Variants in CNTNAP2 observed in about 807,000 individuals in gnomAD.
CNTNAP2 encodes contactin associated protein 2.
A neutral mutation model predicts 155.2 loss-of-function variants in CNTNAP2; 98 were observed. The ratio of observed to expected loss-of-function variants is 0.63; its 90% CI spans 0.54 to 0.75. CNTNAP2 has a LOEUF of 0.75. Ranked by LOEUF, CNTNAP2 falls within the 30% of genes least tolerant of loss-of-function variation. CNTNAP2 has a pLI of 0.00. For missense variants in CNTNAP2, 1,727 were observed against 1,688.1 expected (o/e 1.02, Z -0.40); for synonymous variants, 651 against 631.2 (o/e 1.03, Z -0.47).
At chr7:147,029,422 T>G (rs1387084278) in intron 3 of CNTNAP2, among the ~76,000 whole-genome samples, 1 of 152,132 alleles carries the variant, frequency 6.6e-6, no homozygotes, top group African/African-American at 2.4e-5. Flanking sequence ...ACGAACAAAT[T>G]GCTAAAGTTT....
intron 8 of CNTNAP2, among the ~76,000 whole-genome samples, chr7:147,226,401 A>G (rs1803543803): frequency 6.6e-6 from 1 of 152,134 alleles, no homozygotes; most frequent in Non-Finnish European, 1.5e-5. Flanking sequence ...TCTAAAAACA[A>G]TCATTTATAT....
intron 8 of CNTNAP2, among the ~76,000 whole-genome samples, chr7:147,280,396 A>ATC (rs1346332419): frequency 6.6e-6 from 1 of 151,890 alleles, no homozygotes; most frequent in African/African-American, 2.4e-5. Context: ...GGACGAAAAA[A>ATC]TCTCTCGTAG....
intron 18 of CNTNAP2, among the ~76,000 whole-genome samples, chr7:148,187,947 C>A (rs1465834431): frequency 6.6e-6 from 1 of 152,040 alleles, no homozygotes; most frequent in Non-Finnish European, 1.5e-5. Context: ...CACCCCCTAC[C>A]CATCACAGAC....
chr7:147,324,405 C>T (rs2692140), intron 9 of CNTNAP2, among the ~76,000 whole-genome samples: 79,960 of 151,958 alleles, frequency 0.53, 21,839 homozygotes, highest in East Asian at 0.73. Context: ...TTTGCAATCA[C>T]GTTATTAAAG....
intron 15 of CNTNAP2, among the ~76,000 whole-genome samples, chr7:147,980,984 A>G (rs1327109766): frequency 2.0e-5 from 3 of 151,332 alleles, no homozygotes; most frequent in African/African-American, 7.3e-5. Flanking sequence ...CACAGTAGTG[A>G]TAGAGTGTTC....
intron 4 of CNTNAP2, among the ~76,000 whole-genome samples, chr7:147,060,042 A>G (rs1263543702): frequency 2.0e-5 from 3 of 152,212 alleles, no homozygotes; most frequent in Non-Finnish European, 4.4e-5. Flanking sequence ...ATTAGGAACT[A>G]TCTTCATTTT....
At chr7:147,496,284 G>A (rs1798706839) in intron 11 of CNTNAP2, among the ~76,000 whole-genome samples, 1 of 152,176 alleles carries the variant, frequency 6.6e-6, no homozygotes. Flanking sequence ...TGCCAAAAAG[G>A]TTGGAGAATG....
At chr7:146,822,145 A>AG (rs1803298133) in intron 2 of CNTNAP2, among the ~76,000 whole-genome samples, 2 of 152,186 alleles carry the variant, frequency 1.3e-5, no homozygotes, top group South Asian at 2.1e-4. Flanking sequence ...TGCAGCCATA[A>AG]AAATGATGAG....
chr7:147,994,369 C>CAA (rs71527864), intron 15 of CNTNAP2, among the ~76,000 whole-genome samples: 4,971 of 132,264 alleles, frequency 0.038, 129 homozygotes, highest in South Asian at 0.14. Flanking sequence ...AGACCTGTCT[C>CAA]AAAAAAAAAA....
At chr7:146,699,787 G>A (rs1800844173) in intron 1 of CNTNAP2, among the ~76,000 whole-genome samples, 1 of 152,018 alleles carries the variant, frequency 6.6e-6, no homozygotes, top group Admixed American at 6.6e-5. Flanking sequence ...GGCCAACACA[G>A]CGAAACCCCG....
At chr7:146,920,844 C>T (rs1216334089) in intron 3 of CNTNAP2, among the ~76,000 whole-genome samples, 6 of 151,960 alleles carry the variant, frequency 3.9e-5, no homozygotes, top group Admixed American at 6.6e-5. Flanking sequence ...TCTAATTTTG[C>T]ATAAAAGTGA....
chr7:148,230,700 G>C (rs765261025), intron 20 of CNTNAP2, among the ~76,000 whole-genome samples: 2 of 152,204 alleles, frequency 1.3e-5, no homozygotes, highest in African/African-American at 4.8e-5. Flanking sequence ...TGGAGTTTGC[G>C]CGTGGCCTTT....
chr7:148,260,453 G>A (rs1056206237), intron 20 of CNTNAP2, among the ~76,000 whole-genome samples: 1 of 152,182 alleles, frequency 6.6e-6, no homozygotes, highest in African/African-American at 2.4e-5. Context: ...TGCTCAATAT[G>A]TGCTTCCTCC....
At chr7:147,464,947 T>C (rs1269865105) in intron 10 of CNTNAP2, among the ~76,000 whole-genome samples, 1 of 152,248 alleles carries the variant, frequency 6.6e-6, no homozygotes, top group Non-Finnish European at 1.5e-5. Flanking sequence ...TTTGATGTGA[T>C]ACATATACAC....
intron 3 of CNTNAP2, among the ~76,000 whole-genome samples, chr7:147,017,553 C>T (rs1798746364): frequency 6.6e-6 from 1 of 151,954 alleles, no homozygotes; most frequent in Non-Finnish European, 1.5e-5. Context: ...AAATTTTTAA[C>T]ATTCTTAACT....
intron 1 of CNTNAP2, among the ~76,000 whole-genome samples, chr7:146,703,344 T>C (rs2129173750): frequency 6.6e-6 from 1 of 152,222 alleles, no homozygotes; most frequent in East Asian, 1.9e-4. Context: ...TTTGGTAATG[T>C]GTACGAAAAA....
intron 1 of CNTNAP2, among the ~76,000 whole-genome samples, chr7:146,663,577 T>A (rs1800134128): frequency 6.6e-6 from 1 of 152,152 alleles, no homozygotes; most frequent in South Asian, 2.1e-4. Flanking sequence ...GTTTTGCATT[T>A]TTAAGCCCAC....
At chr7:147,852,946 C>G (rs772025646) in intron 13 of CNTNAP2, among the ~76,000 whole-genome samples, 1 of 152,138 alleles carries the variant, frequency 6.6e-6, no homozygotes, top group African/African-American at 2.4e-5. Context: ...ATCCAGTGCT[C>G]AAGTAGGACC....
At chr7:147,042,220 G>GA (rs1316146775) in intron 3 of CNTNAP2, among the ~76,000 whole-genome samples, 4 of 152,160 alleles carry the variant, frequency 2.6e-5, no homozygotes, top group Admixed American at 2.0e-4. Context: ...GCTCATTTGA[G>GA]AAAACCAAGA....
Sources: allele counts gnomAD v4.1 joint callset (sites outside exome capture counted in the v4.1 genomes callset), GRCh38; gene constraint gnomAD v4.1.1; transcripts MANE v1.5; gene names NCBI Gene and HGNC (gene_info 2026-07-23, HGNC 2026-07-21).